TIGAR: variants seen among roughly 807,000 people sequenced by gnomAD.
TIGAR encodes the protein fructose-2,6-bisphosphatase TIGAR.
In TIGAR, 7 loss-of-function variants were observed where a neutral mutation model predicts 17.9. The ratio of observed to expected loss-of-function variants is 0.39; its 90% CI spans 0.22 to 0.73. The LOEUF is 0.73. TIGAR is among the 30% of genes least tolerant of loss of function. The pLI is 0.42. For synonymous variants in TIGAR, 94 were observed against 108.6 expected (o/e 0.87, Z 0.84); for missense variants, 258 against 327.4 (o/e 0.79, Z 1.64).
chr12:4,339,143 A>G (rs764645013), intron 3 of TIGAR, among the ~76,000 whole-genome samples: 13 of 152,148 alleles, frequency 8.5e-5, no homozygotes, highest in Non-Finnish European at 1.5e-4. Context: ...TGAAAAGATA[A>G]AATTGACAGA....
intron 3 of TIGAR, among the ~76,000 whole-genome samples, chr12:4,345,499 G>T (rs1164094224): frequency 6.6e-6 from 1 of 152,174 alleles, no homozygotes; most frequent in South Asian, 2.1e-4. Flanking sequence ...ACAAAAACAA[G>T]AAATGGGGAA....
In TIGAR at chr12:4,357,850, T is replaced by C. The variant is rs1407289833; in HGVS notation, c.*5159T>C. Among the ~76,000 whole-genome samples the C allele has an allele frequency of 6.6e-6, 1 of 152,138 alleles. No individual in the cohort carries two copies. Among genetic ancestry groups the C allele is most frequent in the Non-Finnish European group, 1.5e-5 (1 of 68,030 alleles). On this transcript the variant is annotated 3_prime_UTR_variant, in exon 6 of 6. Transcript: ENST00000179259. Reference sequence around the variant, plus strand: ...TGGGCGTGGTGGCTCGCACCTGTAATCCCAGCACTTTGGGAGGCCAAGGCG... The same window carrying C: ...TGGGCGTGGTGGCTCGCACCTGTAACCCCAGCACTTTGGGAGGCCAAGGCG...
chr12:4,346,357 A>G (rs572946074), intron 3 of TIGAR, among the ~76,000 whole-genome samples: 2 of 152,346 alleles, frequency 1.3e-5, no homozygotes, highest in South Asian at 2.1e-4. Context: ...AACCAACCCA[A>G]ATGTCCAATA....
chr12:4,352,726 C>T lies in TIGAR; in HGVS notation c.*35C>T. ...TGCATCAAAATCTAACCATTTTGAG[C>T]CTCTGAAGGGAGTGCCATTGGCTTT... On this transcript the variant is annotated 3_prime_UTR_variant, in exon 6 of 6. Coordinates refer to ENST00000179259, the MANE Select transcript of TIGAR (RefSeq NM_020375.3). 2 of 1,568,138 alleles carry T rather than the reference C, an allele frequency of 1.3e-6. No homozygotes were observed. The highest frequency in any genetic ancestry group is 1.2e-5 in the South Asian group (1 of 86,410).
Position 4,338,975 on chromosome 12 carries a change from C to CAAAAAAAAAAAAAAAAAAAAAAA in TIGAR, c.192+1816_192+1817insAAAAAAAAAAAAAAAAAAAAAAA, listed in dbSNP as rs199840929. On this transcript the variant is annotated intron_variant, in intron 3 of 5. Coordinates refer to ENST00000179259, the MANE Select transcript of TIGAR (RefSeq NM_020375.3). The stretch of plus-strand genomic sequence containing the variant: ...TGGGCAACAAAGCAAAACTTTGTCT[C>CAAAAAAAAAAAAAAAAAAAAAAA]ACAAAAAAAAAAAAAAAAAAAAAGA... Among the ~76,000 whole-genome samples the CAAAAAAAAAAAAAAAAAAAAAAA allele has an allele frequency of 2.1e-4, 8 of 38,194 alleles. 1 individual carries two copies. Among genetic ancestry groups the CAAAAAAAAAAAAAAAAAAAAAAA allele is most frequent in the Admixed American group, 2.1e-3 (6 of 2,892 alleles). 25.1% of individuals were successfully genotyped at this position (38,194 alleles called of 152,430 possible).
intron 1 of TIGAR, among the ~76,000 whole-genome samples, chr12:4,327,512 G>C (rs1864558396): frequency 6.6e-6 from 1 of 152,132 alleles, no homozygotes. Context: ...GCAGTTTGCA[G>C]CCCATAATTG....
chr12:4,346,125 T>A (rs974278184), intron 3 of TIGAR, among the ~76,000 whole-genome samples: 1 of 152,234 alleles, frequency 6.6e-6, no homozygotes, highest in Admixed American at 6.5e-5. Context: ...GGAGAGGATG[T>A]GGAGAAATAG....
intron 2 of TIGAR, among the ~76,000 whole-genome samples, chr12:4,336,339 A>G (rs576050583): frequency 1.3e-5 from 2 of 151,710 alleles, no homozygotes; most frequent in Admixed American, 6.6e-5. Flanking sequence ...ATAGTCCACC[A>G]CCTTCATTTT....
At chr12:4,334,617 T>A (rs760874119) in intron 2 of TIGAR, among the ~76,000 whole-genome samples, 14 of 152,256 alleles carry the variant, frequency 9.2e-5, no homozygotes, top group Non-Finnish European at 1.9e-4. Context: ...GGCATTTAAA[T>A]TTATGAATAT....
rs186143915 is a variant in TIGAR at position 4,341,947 on chromosome 12, G to A, written c.192+4787G>A. Among the ~76,000 whole-genome samples the A allele has an allele frequency of 1.4e-3, 210 of 152,294 alleles. 1 individual carries two copies. The highest frequency in any genetic ancestry group is 4.5e-3 in the African/African-American group (185 of 41,564). On this transcript the variant is annotated intron_variant, in intron 3 of 5. Coordinates refer to ENST00000179259, the MANE Select transcript of TIGAR (RefSeq NM_020375.3). The stretch of plus-strand genomic sequence containing the variant: ...ATGATCAGACTTCTCTGAGCTAAAG[G>A]AGGAAGTTCGAACCCATTGCAAAGA...
intron 1 of TIGAR, among the ~76,000 whole-genome samples, chr12:4,323,133 G>A (rs923907636): frequency 4.1e-5 from 6 of 145,584 alleles, no homozygotes; most frequent in African/African-American, 1.5e-4. Context: ...GGCTGTGGTG[G>A]TGCATGCCTG....
chr12:4,347,218 G>A (rs1206955321), intron 3 of TIGAR, among the ~76,000 whole-genome samples: 1 of 152,200 alleles, frequency 6.6e-6, no homozygotes, highest in Non-Finnish European at 1.5e-5. Flanking sequence ...TTCAACCACA[G>A]AGAAGAATGA....
chr12:4,330,773 A>G (rs1864595278), intron 1 of TIGAR, among the ~76,000 whole-genome samples: 1 of 152,206 alleles, frequency 6.6e-6, no homozygotes, highest in Non-Finnish European at 1.5e-5. Flanking sequence ...GATAGCTGTC[A>G]GTACTACAAA....
rs1167319448 is a variant in TIGAR at position 4,354,006 on chromosome 12, TCAGAAATCTTTA to T, written c.*1316_*1327del. The T allele has an allele frequency of 3.9e-5, 6 of 152,606 alleles. No individual in the cohort carries two copies. The highest frequency in any genetic ancestry group is 1.4e-4 in the African/African-American group (6 of 41,448). 9.5% of individuals were successfully genotyped at this position (152,606 alleles called of 1,614,324 possible). ...TAATTTTATACACAAGATTGGTCTT[TCAGAAATCTTTA>T]TCTAAATGAAGAAACTGTTCTACAT... On this transcript the variant is annotated 3_prime_UTR_variant, in exon 6 of 6. Transcript: ENST00000179259.
chr12:4,322,322 T>C (rs1864490576), intron 1 of TIGAR, among the ~76,000 whole-genome samples: 1 of 152,174 alleles, frequency 6.6e-6, no homozygotes, highest in Admixed American at 6.5e-5. Flanking sequence ...TCAGGCAAGG[T>C]AGACCTCGGT....
Position 4,354,975 on chromosome 12 carries a change from C to T in TIGAR, c.*2284C>T, listed in dbSNP as rs1036970011. Among the ~76,000 whole-genome samples the T allele has an allele frequency of 6.6e-6, 1 of 151,824 alleles. No individual in the cohort carries two copies. The highest frequency in any genetic ancestry group is 1.5e-5 in the Non-Finnish European group (1 of 67,974). On this transcript the variant is annotated 3_prime_UTR_variant, in exon 6 of 6. Transcript: ENST00000179259. ...TGAACTTCTGACCTCAGGTGATCCACCTGCCTTGGCCTTCCAAAGTGCTGG... is the reference window on the plus strand; with the variant it reads ...TGAACTTCTGACCTCAGGTGATCCATCTGCCTTGGCCTTCCAAAGTGCTGG...
At chr12:4,344,297 TACAAGG>T (rs1864756885) in intron 3 of TIGAR, among the ~76,000 whole-genome samples, 1 of 152,064 alleles carries the variant, frequency 6.6e-6, no homozygotes, top group South Asian at 2.1e-4. Flanking sequence ...CTTCCAGAGG[TACAAGG>T]AGGAGCTGGT....
chr12:4,334,566 A>C lies in TIGAR; in HGVS notation c.71-2473A>C, dbSNP rs1864638462. Among the ~76,000 whole-genome samples the C allele has an allele frequency of 6.6e-5, 10 of 152,310 alleles. No homozygotes were observed. The South Asian group carries it at 2.1e-3, about 32-fold the overall frequency. ...TAGTCGCTTAGTCCTGTCTTTTTTT[A>C]ATTGCTTGAGGTAGACATTATTATC... is the stretch of plus-strand genomic sequence containing the variant. On this transcript the variant is annotated intron_variant, in intron 2 of 5. Transcript: ENST00000179259.
Position 4,331,432 on chromosome 12 carries a change from G to C in TIGAR, c.70+115G>C. 2 of 944,700 alleles carry C rather than the reference G, an allele frequency of 2.1e-6. 1 individual carries two copies. The highest frequency in any genetic ancestry group is 2.7e-5 in the South Asian group (2 of 73,024). 58.5% of individuals were successfully genotyped at this position (944,700 alleles called of 1,614,324 possible). ...GGGGCAGCACTCCATTGTGAATTGG[G>C]ATTACAGAATCAAAGCATCATAACC... On this transcript the variant is annotated intron_variant, in intron 2 of 5. Coordinates refer to ENST00000179259, the MANE Select transcript of TIGAR (RefSeq NM_020375.3).
Sources: allele counts gnomAD v4.1 joint callset (sites outside exome capture counted in the v4.1 genomes callset), GRCh38; gene constraint gnomAD v4.1.1; transcripts MANE v1.5; gene names NCBI Gene and HGNC (gene_info 2026-07-23, HGNC 2026-07-21).